The following SGIP1 variants were observed in gnomAD, a reference collection of about 807,000 sequenced individuals.
The protein encoded by SGIP1 is SH3-containing GRB2-like protein 3-interacting protein 1.
In SGIP1, 38 loss-of-function variants were observed where a neutral mutation model predicts 107.5. That is an observed-to-expected ratio of 0.35 (90% CI 0.27 to 0.46). SGIP1 has a LOEUF of 0.46. Ranked by LOEUF, SGIP1 falls within the 20% of genes least tolerant of loss-of-function variation. SGIP1 has a pLI of 1.00. For synonymous variants in SGIP1, 365 were observed against 366.1 expected (o/e 1.00, Z 0.03); for missense variants, 929 against 1,019.5 (o/e 0.91, Z 1.21).
chr1:66,643,734 T>TGTGC lies in SGIP1; in HGVS notation c.459+18_459+19insCGTG. On this transcript the variant is annotated intron_variant, in intron 7 of 24. Transcript: ENST00000371037. ...CATCACCAGTGGTGAGTGTTGTGTGTGTGTGTGTTAAGCTTTAGTGAGATT... is the reference window on the plus strand; with the variant it reads ...CATCACCAGTGGTGAGTGTTGTGTGTGTGCGTGTGTGTTAAGCTTTAGTGAGATT... 3 of 1,590,450 alleles carry TGTGC rather than the reference T, an allele frequency of 1.9e-6. No homozygotes were observed. Among genetic ancestry groups the TGTGC allele is most frequent in the Non-Finnish European group, 2.6e-6 (3 of 1,170,908 alleles).
At chr1:66,680,713 TA>T in intron 14 of SGIP1, among the ~76,000 whole-genome samples, 1 of 152,350 alleles carries the variant, frequency 6.6e-6, no homozygotes, top group Non-Finnish European at 1.5e-5. Context: ...AGATTATAAA[TA>T]TTGCGGACTA....
chr1:66,581,390 A>G (rs909197454), intron 1 of SGIP1, among the ~76,000 whole-genome samples: 5 of 152,072 alleles, frequency 3.3e-5, no homozygotes, highest in Admixed American at 1.3e-4. Context: ...AGTATTTATG[A>G]TGTAACCATA....
intron 1 of SGIP1, among the ~76,000 whole-genome samples, chr1:66,606,822 A>G (rs1002613795): frequency 6.6e-6 from 1 of 152,222 alleles, no homozygotes; most frequent in African/African-American, 2.4e-5. Flanking sequence ...TTGTGGATAC[A>G]TTTAGGCAGC....
intron 7 of SGIP1, among the ~76,000 whole-genome samples, chr1:66,651,221 G>A (rs2078688391): frequency 6.6e-6 from 1 of 152,282 alleles, no homozygotes; most frequent in South Asian, 2.1e-4. Context: ...TCATGGTGAT[G>A]AATTTGGTAG....
At chr1:66,649,949 G>A (rs2149562862) in intron 7 of SGIP1, among the ~76,000 whole-genome samples, 1 of 152,206 alleles carries the variant, frequency 6.6e-6, no homozygotes, top group East Asian at 1.9e-4. Context: ...ATCTATTAAT[G>A]GGGTGACTCC....
At chr1:66,724,319 C>A (rs1231694704) in intron 19 of SGIP1, among the ~76,000 whole-genome samples, 2 of 152,168 alleles carry the variant, frequency 1.3e-5, no homozygotes, top group Non-Finnish European at 2.9e-5. Context: ...AGCATCTATT[C>A]ATATTTCCAT....
At chr1:66,551,241 C>G (rs987870841) in intron 1 of SGIP1, among the ~76,000 whole-genome samples, 1 of 152,132 alleles carries the variant, frequency 6.6e-6, no homozygotes, top group African/African-American at 2.4e-5. Context: ...TATGATAAAG[C>G]AAACTTTAAT....
intron 19 of SGIP1, among the ~76,000 whole-genome samples, chr1:66,721,529 C>T (rs944436108): frequency 6.6e-6 from 1 of 152,178 alleles, no homozygotes; most frequent in Non-Finnish European, 1.5e-5. Context: ...CCACTTCAGC[C>T]TCCCGAGTAG....
chr1:66,544,502 C>T (rs2055857276), intron 1 of SGIP1, among the ~76,000 whole-genome samples: 1 of 152,104 alleles, frequency 6.6e-6, no homozygotes, highest in East Asian at 1.9e-4. Flanking sequence ...GGCTGGCCAA[C>T]ATGGCGAGAC....
rs1330495642 is a variant in SGIP1, at chr1:66,663,292, A to G, written c.471+2768A>G. Among the ~76,000 whole-genome samples, 15 of 152,162 alleles carry G rather than the reference A, an allele frequency of 9.9e-5. No individual in the cohort carries two copies. The South Asian group carries it at 2.9e-3, about 29-fold the overall frequency. On this transcript the variant is annotated intron_variant, in intron 8 of 24. Coordinates refer to ENST00000371037, the MANE Select transcript of SGIP1 (RefSeq NM_032291.4). ...TCTGGACATAGATCTCTCAGCTTAT[A>G]GAATATATCAAGACCAGATACTAAA...
At chr1:66,534,524 G>A (rs2053101681) in intron 1 of SGIP1, among the ~76,000 whole-genome samples, 156 bp downstream of exon 1, 1 of 152,170 alleles carries the variant, frequency 6.6e-6, no homozygotes, top group African/African-American at 2.4e-5. Flanking sequence ...GTGGATCTGG[G>A]CTCAGACTAA....
chr1:66,568,874 T>A (rs747481039), intron 1 of SGIP1, among the ~76,000 whole-genome samples: 1 of 151,932 alleles, frequency 6.6e-6, no homozygotes, highest in Non-Finnish European at 1.5e-5. Flanking sequence ...TTACTATTTT[T>A]TAGTAATAGT....
intron 11 of SGIP1, 28 bp from the exon 12 acceptor site, chr1:66,673,253 G>A (rs780466833): frequency 1.2e-6 from 2 of 1,608,398 alleles, no homozygotes; most frequent in South Asian, 2.2e-5. Flanking sequence ...CCCTTTCCCT[G>A]TATTTTGCCT....
At chr1:66,598,494 TAAAG>T (rs2065149649) in intron 1 of SGIP1, among the ~76,000 whole-genome samples, 1 of 152,194 alleles carries the variant, frequency 6.6e-6, no homozygotes, top group African/African-American at 2.4e-5. Flanking sequence ...TCATGTGCTA[TAAAG>T]AAATACCTGA....
At chr1:66,725,359 A>T (rs575404901) in intron 19 of SGIP1, among the ~76,000 whole-genome samples, 1 of 152,324 alleles carries the variant, frequency 6.6e-6, no homozygotes, top group South Asian at 2.1e-4. Context: ...CATCCATTAG[A>T]GTTACACAAT....
At chr1:66,596,444 G>A (rs1055979625) in intron 1 of SGIP1, among the ~76,000 whole-genome samples, 2 of 151,888 alleles carry the variant, frequency 1.3e-5, no homozygotes, top group African/African-American at 4.8e-5. Context: ...ATGCTGACAG[G>A]GTAAAGCAAA....
At chr1:66,573,741 A>C (rs942601406) in intron 1 of SGIP1, among the ~76,000 whole-genome samples, 2 of 152,070 alleles carry the variant, frequency 1.3e-5, no homozygotes, top group Non-Finnish European at 2.9e-5. Flanking sequence ...AACAACATGC[A>C]CTGGGGCCTA....
chr1:66,558,434 G>A (rs2058483221), intron 1 of SGIP1, among the ~76,000 whole-genome samples: 1 of 151,694 alleles, frequency 6.6e-6, no homozygotes, highest in Non-Finnish European at 1.5e-5. Context: ...AACCCACAAC[G>A]GCCCATCTAG....
intron 3 of SGIP1, chr1:66,634,272 C>T (rs2075366000): frequency 2.2e-5 from 17 of 778,716 alleles, no homozygotes; most frequent in Middle Eastern, 3.5e-4. Flanking sequence ...TGCTTTCTAT[C>T]CTTGCTGCTC....
Sources: gnomAD v4.1 joint callset for allele counts (sites outside exome capture counted in the v4.1 genomes callset) on GRCh38, gnomAD v4.1.1 for gene constraint, MANE v1.5 for transcripts, NCBI Gene and HGNC (gene_info 2026-07-23, HGNC 2026-07-21) for gene names.